Variants in ADGRA3 observed in about 807,000 individuals in gnomAD.
ADGRA3 encodes adhesion G protein-coupled receptor A3, also known as G-protein coupled receptor 125.
Under a neutral mutation model 119.8 loss-of-function variants are expected in ADGRA3, and 56 were observed. That is an observed-to-expected ratio of 0.47 (90% CI 0.38 to 0.58). The LOEUF is 0.58. Ranked by LOEUF, ADGRA3 falls within the 20% of genes least tolerant of loss-of-function variation. The pLI is 0.00. For missense variants in ADGRA3, 1,516 were observed against 1,649.0 expected, an observed-to-expected ratio of 0.92 and a Z score of 1.40; for synonymous variants, 607 against 623.8, an observed-to-expected ratio of 0.97 and a Z score of 0.40.
intron 1 of ADGRA3, among the ~76,000 whole-genome samples, chr4:22,492,790 C>G (rs1256006608): frequency 6.6e-6 from 1 of 152,114 alleles, no homozygotes; most frequent in Non-Finnish European, 1.5e-5. Context: ...CAAAGACTAG[C>G]CAAACCAAGA....
chr4:22,420,825 A>G (rs1715634500), intron 12 of ADGRA3, 61 bp downstream of exon 12: 1 of 1,497,012 alleles, frequency 6.7e-7, no homozygotes, highest in East Asian at 2.3e-5. Context: ...GCGAAGCAGA[A>G]CATTTGGAGC....
intron 7 of ADGRA3, among the ~76,000 whole-genome samples, chr4:22,442,408 A>G (rs568279683): frequency 2.6e-5 from 4 of 152,264 alleles, no homozygotes; most frequent in African/African-American, 9.6e-5. Flanking sequence ...AAAACTTTAA[A>G]AAAGTCTTCA....
chr4:22,450,948 AAAAATAT>A (rs1438353231), intron 4 of ADGRA3, among the ~76,000 whole-genome samples: 23 of 127,838 alleles, frequency 1.8e-4, no homozygotes, highest in African/African-American at 6.5e-4. Context: ...AAAAAAAAAA[AAAAATAT>A]ATATATATAT....
intron 16 of ADGRA3, among the ~76,000 whole-genome samples, chr4:22,397,158 A>AATCAACTAC (rs1248315753): frequency 1.7e-4 from 25 of 149,320 alleles, no homozygotes; most frequent in African/African-American, 6.2e-4. Flanking sequence ...AGCACCAGTG[A>AATCAACTAC]ATCAACTACT....
chr4:22,505,842 A>T (rs1241250966), intron 1 of ADGRA3, among the ~76,000 whole-genome samples: 2 of 152,122 alleles, frequency 1.3e-5, no homozygotes, highest in Non-Finnish European at 2.9e-5. Flanking sequence ...GTACAAGACT[A>T]AGATAAAACT....
intron 11 of ADGRA3, among the ~76,000 whole-genome samples, 156 bp from the exon 12 acceptor site, chr4:22,421,245 A>G (rs901126611): frequency 1.4e-5 from 2 of 143,262 alleles, no homozygotes; most frequent in African/African-American, 5.2e-5. Context: ...CTGGCAGAAT[A>G]AAAAAAAAAA....
chr4:22,459,664 G>A (rs1413545543), intron 3 of ADGRA3, among the ~76,000 whole-genome samples: 1 of 151,784 alleles, frequency 6.6e-6, no homozygotes, highest in Admixed American at 6.6e-5. Context: ...ACACACTGGA[G>A]GCGGAAAAAA....
rs568989641 is a variant in ADGRA3, at chr4:22,509,712, T to C, written c.257+5816A>G. Among the ~76,000 whole-genome samples the C allele has an allele frequency of 1.8e-4, 27 of 151,354 alleles. No individual in the cohort carries two copies. In the South Asian group the frequency reaches 5.7e-3, roughly 32 times the overall value. ...AAGATGGAGACTCAGGTGTTCCTCATAGATAAGAAATGACTTGGCCGGGCG... is the reference window on the plus strand; with the variant it reads ...AAGATGGAGACTCAGGTGTTCCTCACAGATAAGAAATGACTTGGCCGGGCG... On this transcript the variant is annotated intron_variant, in intron 1 of 18. Coordinates refer to ENST00000334304, the MANE Select transcript of ADGRA3 (RefSeq NM_145290.4).
At chr4:22,498,115 C>A (rs959483834) in intron 1 of ADGRA3, among the ~76,000 whole-genome samples, 2 of 151,632 alleles carry the variant, frequency 1.3e-5, no homozygotes, top group African/African-American at 4.8e-5. Flanking sequence ...CTGGCAGGAG[C>A]CTGTAATCCC....
intron 1 of ADGRA3, among the ~76,000 whole-genome samples, chr4:22,485,733 C>T (rs1421857403): frequency 2.0e-5 from 3 of 152,174 alleles, no homozygotes; most frequent in Non-Finnish European, 4.4e-5. Flanking sequence ...GAGATGGAGA[C>T]ACAAAAGATA....
At chr4:22,421,931 T>C (rs1715713238) in intron 11 of ADGRA3, among the ~76,000 whole-genome samples, 1 of 140,214 alleles carries the variant, frequency 7.1e-6, no homozygotes, top group Admixed American at 6.9e-5. Flanking sequence ...AAAAATCATC[T>C]GAAAAGCAAA....
intron 2 of ADGRA3, among the ~76,000 whole-genome samples, chr4:22,471,323 T>C (rs1264816666): frequency 6.6e-6 from 1 of 151,888 alleles, no homozygotes; most frequent in Non-Finnish European, 1.5e-5. Flanking sequence ...GCGGGGAAGA[T>C]GGGAGGAGGG....
intron 1 of ADGRA3, among the ~76,000 whole-genome samples, chr4:22,501,490 A>C (rs1719046583): frequency 6.6e-6 from 1 of 152,174 alleles, no homozygotes; most frequent in Non-Finnish European, 1.5e-5. Context: ...AAAATATCAC[A>C]GAAATTAAAG....
At chr4:22,440,231 G>C (rs958190302) in intron 7 of ADGRA3, among the ~76,000 whole-genome samples, 6 of 152,054 alleles carry the variant, frequency 3.9e-5, no homozygotes, top group Non-Finnish European at 7.4e-5. Context: ...ATCTGCAAAT[G>C]TTTCCTGGAT....
chr4:22,464,482 G>A (rs1030933783), intron 2 of ADGRA3, among the ~76,000 whole-genome samples: 4 of 152,114 alleles, frequency 2.6e-5, no homozygotes, highest in Non-Finnish European at 4.4e-5. Context: ...GTAAAAAGAC[G>A]GTCCCTGGTG....
chr4:22,512,441 T>G (rs1475713705), intron 1 of ADGRA3, among the ~76,000 whole-genome samples: 1 of 152,198 alleles, frequency 6.6e-6, no homozygotes, highest in Admixed American at 6.5e-5. Flanking sequence ...AGCTGGACAG[T>G]GTTTCATAGA....
At chr4:22,468,051 G>C (rs1037775838) in intron 2 of ADGRA3, among the ~76,000 whole-genome samples, 1 of 152,176 alleles carries the variant, frequency 6.6e-6, no homozygotes, top group African/African-American at 2.4e-5. Flanking sequence ...AAATCAAGAA[G>C]TCAGGCCTTT....
chr4:22,498,690 C>T (rs540933909), intron 1 of ADGRA3, among the ~76,000 whole-genome samples: 3 of 151,802 alleles, frequency 2.0e-5, no homozygotes, highest in South Asian at 4.2e-4. Flanking sequence ...CCAAGGTGGG[C>T]GGATCACAAG....
chr4:22,431,598 T>C (rs1400007882), intron 10 of ADGRA3, among the ~76,000 whole-genome samples: 1 of 152,204 alleles, frequency 6.6e-6, no homozygotes, highest in East Asian at 1.9e-4. Context: ...TCATTCTCTC[T>C]TTGCCTGCTG....
Sources: allele counts gnomAD v4.1 joint callset (sites outside exome capture counted in the v4.1 genomes callset), GRCh38; gene constraint gnomAD v4.1.1; transcripts MANE v1.5; gene names NCBI Gene and HGNC (gene_info 2026-07-23, HGNC 2026-07-21).